LRBA: variants seen among roughly 807,000 people sequenced by gnomAD.
LRBA encodes the protein LPS responsive beige-like anchor protein.
LRBA carries 176 observed loss-of-function variants against 330.0 expected under a neutral mutation model. That is an observed-to-expected ratio of 0.53 (90% CI 0.47 to 0.60). LRBA has a LOEUF of 0.60. Ranked by LOEUF, LRBA falls within the 20% of genes least tolerant of loss-of-function variation. The pLI is 0.00. For missense variants in LRBA, 3,259 were observed against 3,444.8 expected (o/e 0.95, Z 1.35); for synonymous variants, 1,230 against 1,193.0 (o/e 1.03, Z -0.64).
At chr4:150,478,116 T>C (rs1380569875) in intron 42 of LRBA, among the ~76,000 whole-genome samples, 1 of 152,084 alleles carries the variant, frequency 6.6e-6, no homozygotes, top group African/African-American at 2.4e-5. Flanking sequence ...TAGTTCCTCT[T>C]GGCATTTTAC....
At chr4:150,849,142 A>C in intron 25 of LRBA, 144 bp from the exon 26 acceptor site, 1 of 622,350 alleles carries the variant, frequency 1.6e-6, no homozygotes. Context: ...TTATTATTTC[A>C]TCTAAAAAGG....
chr4:150,593,075 T>C (rs1254649382), intron 38 of LRBA, among the ~76,000 whole-genome samples: 1 of 152,178 alleles, frequency 6.6e-6, no homozygotes, highest in African/African-American at 2.4e-5. Context: ...GCCCTGAGGC[T>C]AAACAAGATC....
At chr4:150,917,413 G>T (rs1732755256) in intron 5 of LRBA, among the ~76,000 whole-genome samples, 1 of 152,008 alleles carries the variant, frequency 6.6e-6, no homozygotes, top group African/African-American at 2.4e-5. Context: ...TAAGGTATTA[G>T]AATAGAGAAA....
At chr4:150,986,295 C>A (rs998796990) in intron 2 of LRBA, among the ~76,000 whole-genome samples, 1 of 152,078 alleles carries the variant, frequency 6.6e-6, no homozygotes. Context: ...GGGAGATGAA[C>A]GGCAGGCAAG....
At chr4:150,620,108 C>T (rs1359952596) in intron 37 of LRBA, among the ~76,000 whole-genome samples, 3 of 151,906 alleles carry the variant, frequency 2.0e-5, no homozygotes, top group Non-Finnish European at 4.4e-5. Context: ...GTTAATGGAT[C>T]AAAAATTACA....
intron 40 of LRBA, among the ~76,000 whole-genome samples, chr4:150,498,566 A>G (rs1759859344): frequency 6.6e-6 from 1 of 152,250 alleles, no homozygotes; most frequent in Non-Finnish European, 1.5e-5. Context: ...AGCAAGGAAC[A>G]TGAATATATT....
chr4:150,744,100 G>T (rs1424236668), intron 35 of LRBA, among the ~76,000 whole-genome samples: 1 of 151,938 alleles, frequency 6.6e-6, no homozygotes, highest in Non-Finnish European at 1.5e-5. Context: ...TACTCATTTA[G>T]GCATTACAGA....
At chr4:150,695,223 G>T (rs1029360515) in intron 36 of LRBA, among the ~76,000 whole-genome samples, 1 of 152,178 alleles carries the variant, frequency 6.6e-6, no homozygotes. Flanking sequence ...GGATAGGGTT[G>T]AAACCACAGA....
chr4:150,848,133 G>A (rs1375245450), intron 26 of LRBA, among the ~76,000 whole-genome samples: 2 of 151,970 alleles, frequency 1.3e-5, no homozygotes. Context: ...TGCTGCCTCA[G>A]CCTCCCAAGT....
At chr4:150,854,438 C>A (rs1750980728) in intron 22 of LRBA, among the ~76,000 whole-genome samples, 1 of 152,146 alleles carries the variant, frequency 6.6e-6, no homozygotes, top group Admixed American at 6.5e-5. Context: ...ATTCATTCAA[C>A]AAAAATTTAC....
rs751635720 is a variant in LRBA, at chr4:150,916,389, A to G, written c.894+12T>C. On this transcript the variant is annotated intron_variant, in intron 7 of 56. Transcript: ENST00000651943. ...CTTGTTAACATAACTATGACTCAAG[A>G]AGATCATGTACCTTTTGTGGCTTGA... 1 of 1,610,938 alleles carries G rather than the reference A, an allele frequency of 6.2e-7. No individual in the cohort carries two copies. Among genetic ancestry groups the G allele is most frequent in the South Asian group, 1.1e-5 (1 of 90,136 alleles).
intron 2 of LRBA, among the ~76,000 whole-genome samples, chr4:150,984,925 A>G (rs1264083059): frequency 1.3e-5 from 2 of 152,226 alleles, no homozygotes; most frequent in East Asian, 1.9e-4. Context: ...AAATTTGTCT[A>G]TCTAGCTATC....
intron 40 of LRBA, among the ~76,000 whole-genome samples, chr4:150,554,035 CT>C (rs1010333343): frequency 5.3e-5 from 8 of 152,146 alleles, no homozygotes; most frequent in Non-Finnish European, 1.0e-4. Context: ...AGTGATAAAC[CT>C]TGCCAAAACT....
intron 11 of LRBA, 56 bp from the exon 12 acceptor site, chr4:150,906,461 T>C (rs1317029154): frequency 1.0e-6 from 1 of 964,648 alleles, no homozygotes; most frequent in Non-Finnish European, 1.7e-6. Flanking sequence ...TTTTTTAAAT[T>C]AGGTTAGATA....
intron 37 of LRBA, among the ~76,000 whole-genome samples, chr4:150,636,989 T>C (rs1029678616): frequency 6.6e-6 from 1 of 152,150 alleles, no homozygotes; most frequent in African/African-American, 2.4e-5. Flanking sequence ...TAGAAGGGAC[T>C]AGACTAAAAC....
chr4:150,598,440 A>G (rs1214126169), intron 38 of LRBA, among the ~76,000 whole-genome samples: 2 of 152,194 alleles, frequency 1.3e-5, no homozygotes, highest in Non-Finnish European at 2.9e-5. Context: ...TTAAGCTCTG[A>G]TAACAAAATA....
chr4:150,856,975 A>G (rs1272668861), intron 22 of LRBA, among the ~76,000 whole-genome samples: 2 of 152,188 alleles, frequency 1.3e-5, no homozygotes, highest in Non-Finnish European at 2.9e-5. Flanking sequence ...ATACATCCAG[A>G]TGTTAATATT....
At chr4:150,894,886 C>A (rs1241719352) in intron 16 of LRBA, among the ~76,000 whole-genome samples, 3 of 151,988 alleles carry the variant, frequency 2.0e-5, no homozygotes, top group Non-Finnish European at 2.9e-5. Context: ...TCAGAAAAAT[C>A]TAAAAATTAA....
chr4:150,473,239 A>G (rs541948589), intron 42 of LRBA, among the ~76,000 whole-genome samples: 3 of 152,242 alleles, frequency 2.0e-5, no homozygotes, highest in African/African-American at 7.2e-5. Flanking sequence ...GGTCATTTGT[A>G]TATCTTCTTC....
Sources: allele counts gnomAD v4.1 joint callset (sites outside exome capture counted in the v4.1 genomes callset), GRCh38; gene constraint gnomAD v4.1.1; transcripts MANE v1.5; gene names NCBI Gene and HGNC (gene_info 2026-07-23, HGNC 2026-07-21).